POTEJ: variants seen among roughly 807,000 people sequenced by gnomAD.
POTEJ encodes the protein POTE ankyrin domain family member J, also known as POTE ankyrin domain family, member J.
A neutral mutation model predicts 69.0 loss-of-function variants in POTEJ; 11 were observed. That is an observed-to-expected ratio of 0.16 (90% CI 0.10 to 0.26). The LOEUF (loss-of-function observed/expected upper bound fraction) is 0.26. POTEJ is among the 10% of genes least tolerant of loss of function. The probability of loss-of-function intolerance (pLI) is 1.00; values close to 1 mark genes in which losing one functional copy is unlikely to be tolerated. For missense variants in POTEJ, 327 were observed against 1,045.5 expected (o/e 0.31, Z 9.48); for synonymous variants, 117 against 381.1 (o/e 0.31, Z 8.07).
intron 13 of POTEJ, among the ~76,000 whole-genome samples, chr2:130,649,448 A>G (rs1455339573): frequency 3.3e-5 from 5 of 152,134 alleles, no homozygotes; most frequent in South Asian, 2.1e-4. Context: ...AGGCCAGTCT[A>G]TCTTGTACAA....
intron 10 of POTEJ, among the ~76,000 whole-genome samples, chr2:130,640,197 A>C (rs1316225844): frequency 3.5e-5 from 5 of 144,388 alleles, no homozygotes; most frequent in African/African-American, 1.3e-4. Context: ...CAGAAGGAAC[A>C]TCTAATGAGA....
In POTEJ at chr2:130,656,632, GC is replaced by G. The variant is rs758817580; in HGVS notation, c.1873del (p.Leu625Ter). On this transcript the variant is annotated frameshift_variant, in exon 15 of 15. Transcript: ENST00000409602. LOFTEE classifies it high-confidence loss of function. Reference protein sequence around the residue: ...REEIAMLRLELDTMKHQSQLR... With the variant: ...REEIAMLRLEXDTMKHQSQLR... ...AAGAAATTGCCATGCTAAGACTGGAGCTAGACACAATGAAACATCAGAGCCA... is the reference window on the plus strand; with the variant it reads ...AAGAAATTGCCATGCTAAGACTGGAGTAGACACAATGAAACATCAGAGCCA... 2 of 1,609,986 alleles carry G rather than the reference GC, an allele frequency of 1.2e-6. No homozygotes were observed. Among genetic ancestry groups the G allele is most frequent in the African/African-American group, 2.7e-5 (2 of 72,962 alleles).
rs878924068 is a variant in POTEJ, at chr2:130,632,970, G to T, written c.1298+314G>T. 8.0e-3 allele frequency among the ~76,000 whole-genome samples: 1,110 copies of T among 139,462 alleles called. 3 individuals carry two copies. The highest frequency in any genetic ancestry group is 0.021 in the Middle Eastern group (6 of 282). The allele number at this position is 139,462 out of a possible 152,430, so 91.5% of individuals were successfully genotyped here. A position where few individuals can be genotyped will look rare whatever the true frequency, so the allele number is the denominator to read the frequency against. ...TAAAGTGTATCATGGAGATTTGGAC[G>T]GCAGATTATTTCATCAGCCACATAA... On this transcript the variant is annotated intron_variant, in intron 9 of 14. Transcript: ENST00000409602.
chr2:130,642,008 G>A (rs1245386255), intron 10 of POTEJ, among the ~76,000 whole-genome samples: 68 of 151,850 alleles, frequency 4.5e-4, no homozygotes, highest in Admixed American at 1.1e-3. Flanking sequence ...ACAGCTGCCA[G>A]AAAAGAAAGA....
intron 1 of POTEJ, among the ~76,000 whole-genome samples, chr2:130,614,196 T>A (rs1421192039): frequency 6.6e-6 from 1 of 152,230 alleles, no homozygotes; most frequent in East Asian, 1.9e-4. Context: ...AATGAAATAC[T>A]GTTTTCTATC....
intron 13 of POTEJ, among the ~76,000 whole-genome samples, chr2:130,648,790 T>G (rs1215301868): frequency 4.9e-4 from 52 of 105,956 alleles, no homozygotes; most frequent in African/African-American, 2.1e-3. Context: ...AGTTTTTTTT[T>G]TTTTTTTTTT....
chr2:130,641,288 G>C (rs1290688318), intron 10 of POTEJ, among the ~76,000 whole-genome samples: 1 of 152,122 alleles, frequency 6.6e-6, no homozygotes, highest in Non-Finnish European at 1.5e-5. Flanking sequence ...CACATCCTTG[G>C]AGTAGCATCA....
Position 130,612,475 on chromosome 2 carries a change from T to A in POTEJ, c.410+533T>A, listed in dbSNP as rs1685244233. Among the ~76,000 whole-genome samples, 5 of 152,388 alleles carry A rather than the reference T, an allele frequency of 3.3e-5. No homozygotes were observed. The South Asian group carries it at 1.0e-3, about 32-fold the overall frequency. ...AGGAAGATTGAATTTTCTTAAGATG[T>A]GAGCTTTTTGGCTGGGCGCGGTGGC... On this transcript the variant is annotated intron_variant, in intron 1 of 14. Transcript: ENST00000409602.
chr2:130,649,215 G>A (rs1686709076), intron 13 of POTEJ, among the ~76,000 whole-genome samples: 1 of 149,944 alleles, frequency 6.7e-6, no homozygotes, highest in Non-Finnish European at 1.5e-5. Context: ...TATTTGATTA[G>A]CTGTTGGGTA....
At chr2:130,649,340 C>T (rs546483267) in intron 13 of POTEJ, among the ~76,000 whole-genome samples, 107 of 152,302 alleles carry the variant, frequency 7.0e-4, no homozygotes, top group African/African-American at 2.4e-3. Context: ...CTGCCAAAAA[C>T]CTCAGTGTCA....
intron 13 of POTEJ, among the ~76,000 whole-genome samples, chr2:130,650,525 G>T (rs1686771421): frequency 6.6e-6 from 1 of 150,956 alleles, no homozygotes; most frequent in Admixed American, 6.6e-5. Flanking sequence ...TGAATGAATG[G>T]AGTTTATCCC....
At chr2:130,639,662 C>T (rs1333125807) in intron 10 of POTEJ, among the ~76,000 whole-genome samples, 1 of 152,136 alleles carries the variant, frequency 6.6e-6, no homozygotes, top group Non-Finnish European at 1.5e-5. Flanking sequence ...TTTAATTTGG[C>T]TACCTATTTA....
chr2:130,639,231 G>A (rs1258191574), intron 10 of POTEJ, among the ~76,000 whole-genome samples: 4 of 152,312 alleles, frequency 2.6e-5, no homozygotes, highest in Non-Finnish European at 5.9e-5. Context: ...CTGTGGCCTG[G>A]GAGTTGTGGA....
chr2:130,613,275 CATATGT>C lies in POTEJ; in HGVS notation c.410+1338_410+1343del, dbSNP rs1558915479. Among the ~76,000 whole-genome samples the C allele has an allele frequency of 2.6e-3, 140 of 53,992 alleles. 2 individuals carry two copies. Among genetic ancestry groups the C allele is most frequent in the Middle Eastern group, 0.013 (1 of 78 alleles). 35.4% of individuals were successfully genotyped at this position (53,992 alleles called of 152,430 possible). On this transcript the variant is annotated intron_variant, in intron 1 of 14. Transcript: ENST00000409602. ...ATATACACATATATACATATATATA[CATATGT>C]ATATATACATATATATACATATGTA...
chr2:130,625,880 G>C (rs1390462934), intron 6 of POTEJ, among the ~76,000 whole-genome samples: 2 of 134,296 alleles, frequency 1.5e-5, no homozygotes, highest in African/African-American at 3.2e-5. Context: ...GAATGCTTTG[G>C]ACTGCAAATA....
chr2:130,651,973 T>TAC (rs1686822580), intron 13 of POTEJ, among the ~76,000 whole-genome samples: 1 of 101,984 alleles, frequency 9.8e-6, no homozygotes, highest in East Asian at 3.6e-4. Context: ...AAAATAAGGA[T>TAC]ACCCCCCCCC....
At chr2:130,636,944 T>C (rs1292606392) in intron 9 of POTEJ, among the ~76,000 whole-genome samples, 8 of 146,798 alleles carry the variant, frequency 5.4e-5, no homozygotes, top group East Asian at 3.9e-4. Flanking sequence ...CCGGGTGTGG[T>C]GGCATGCGCC....
intron 5 of POTEJ, chr2:130,622,968 A>G (rs1261341498): frequency 3.5e-5 from 5 of 144,412 alleles, no homozygotes; most frequent in Non-Finnish European, 6.0e-5. Flanking sequence ...AGGTCATTTG[A>G]CTATTTGCTG....
intron 9 of POTEJ, among the ~76,000 whole-genome samples, chr2:130,638,027 A>G (rs1446108885): frequency 6.8e-6 from 1 of 148,106 alleles, no homozygotes; most frequent in Admixed American, 6.8e-5. Context: ...AGAGTAGGAC[A>G]GCTAAGAAGC....
Sources: gnomAD v4.1 joint callset for allele counts (sites outside exome capture counted in the v4.1 genomes callset) on GRCh38, gnomAD v4.1.1 for gene constraint, MANE v1.5 for transcripts, NCBI Gene and HGNC (gene_info 2026-07-23, HGNC 2026-07-21) for gene names.